The following MBD5 variants were observed in gnomAD, a reference collection of about 807,000 sequenced individuals.
MBD5 encodes the protein methyl-CpG binding domain protein 5.
A neutral mutation model predicts 117.3 loss-of-function variants in MBD5; 13 were observed. The observed-to-expected ratio is 0.11, with a 90% confidence interval of 0.07 to 0.18. The LOEUF (loss-of-function observed/expected upper bound fraction) is 0.18. Among genes scored for constraint, MBD5 ranks in the 10% least tolerant of loss-of-function variants. The pLI is 1.00. For synonymous variants in MBD5, 727 were observed against 766.4 expected (o/e 0.95, Z 0.85); for missense variants, 1,879 against 2,093.8 (o/e 0.90, Z 2.00).
At chr2:148,142,666 A>G (rs1368306805) in intron 1 of MBD5, among the ~76,000 whole-genome samples, 1 of 152,202 alleles carries the variant, frequency 6.6e-6, no homozygotes, top group African/African-American at 2.4e-5. Flanking sequence ...AGGGGCAAAG[A>G]AAAGTACCAG....
At chr2:148,345,559 ATATACACG>A (rs869130265) in intron 4 of MBD5, among the ~76,000 whole-genome samples, 2 of 84,454 alleles carry the variant, frequency 2.4e-5, no homozygotes, top group African/African-American at 1.1e-4. Flanking sequence ...ATACATATGT[ATATACACG>A]TATACACATA....
intron 2 of MBD5, among the ~76,000 whole-genome samples, chr2:148,227,656 C>G (rs2106115403): frequency 6.6e-6 from 1 of 152,256 alleles, no homozygotes; most frequent in South Asian, 2.1e-4. Flanking sequence ...TGAAGAAAGT[C>G]TTTGGTAGCT....
intron 4 of MBD5, among the ~76,000 whole-genome samples, chr2:148,342,540 AG>A (rs1483237218): frequency 2.0e-5 from 3 of 152,020 alleles, no homozygotes; most frequent in African/African-American, 7.2e-5. Flanking sequence ...TTTAAAAAAA[AG>A]AATGTAATAC....
chr2:148,469,202 G>C lies in MBD5; in HGVS notation c.1259G>C (p.Gly420Ala), dbSNP rs142661175. ...PTVKPGHMNH[G>A]SHVQRVQHSA... Reference sequence around the variant, plus strand: ...GTAAAACCTGGTCACATGAATCATGGGAGTCATGTACAAAGAGTTCAGCAT... The same window carrying C: ...GTAAAACCTGGTCACATGAATCATGCGAGTCATGTACAAAGAGTTCAGCAT... Residue 420 changes from glycine (G) to alanine (A), a missense_variant, in exon 8 of 14, where the codon GGG becomes GCG. Coordinates refer to ENST00000642680, the MANE Select transcript of MBD5 (RefSeq NM_001378120.1). The C allele has an allele frequency of 6.2e-7, 1 of 1,613,982 alleles. No homozygotes were observed. Among genetic ancestry groups the C allele is most frequent in the Non-Finnish European group, 8.5e-7 (1 of 1,179,960 alleles).
chr2:148,115,478 T>C (rs564555014), intron 1 of MBD5, among the ~76,000 whole-genome samples: 2 of 152,208 alleles, frequency 1.3e-5, no homozygotes, highest in Non-Finnish European at 2.9e-5. Context: ...AGAAAATGCA[T>C]GTAAGGTATT....
At chr2:148,398,590 C>G (rs1015795427) in intron 4 of MBD5, among the ~76,000 whole-genome samples, 2 of 152,214 alleles carry the variant, frequency 1.3e-5, no homozygotes, top group East Asian at 1.9e-4. Flanking sequence ...AAGTTTCTCC[C>G]ATTCTGTAGG....
At chr2:148,112,598 A>G (rs781203622) in intron 1 of MBD5, among the ~76,000 whole-genome samples, 1 of 152,180 alleles carries the variant, frequency 6.6e-6, no homozygotes, top group Non-Finnish European at 1.5e-5. Context: ...AAATAGTCTT[A>G]GGTGCTATTT....
intron 1 of MBD5, among the ~76,000 whole-genome samples, chr2:148,102,700 T>TCACACACA (rs72105542): frequency 2.3e-5 from 3 of 131,824 alleles, no homozygotes; most frequent in Non-Finnish European, 3.1e-5. Context: ...GAGAGAGAGA[T>TCACACACA]CACACACACA....
chr2:148,062,567 T>C (rs1695067953), intron 1 of MBD5: 1 of 152,044 alleles, frequency 6.6e-6, no homozygotes, highest in Non-Finnish European at 1.5e-5. Flanking sequence ...AAGTAAACAA[T>C]GTTTTCTGAA....
At position 148,483,158 on chromosome 2, in the gene MBD5, C is replaced by A; in HGVS notation, c.2567C>A (p.Pro856His). ...SSIAIAGTNHPAITKTTSVLQ... is the reference protein window; with the variant it reads ...SSIAIAGTNHHAITKTTSVLQ... ...ATAGCCATAGCGGGCACCAACCACC[C>A]TGCCATCACAAAGACAACATCTGTT... The change falls in exon 9 of 14, where the codon CCT becomes CAT. Residue 856 changes from proline to histidine, a missense_variant. Physicochemically the swap from Pro to His is moderately conservative, Grantham distance 77. Coordinates refer to ENST00000642680, the MANE Select transcript of MBD5 (RefSeq NM_001378120.1). 1 of 1,613,544 alleles carries A rather than the reference C, an allele frequency of 6.2e-7. No homozygotes were observed. Among genetic ancestry groups the A allele is most frequent in the South Asian group, 1.1e-5 (1 of 91,068 alleles).
At chr2:148,206,906 C>A (rs981167267) in intron 2 of MBD5, among the ~76,000 whole-genome samples, 1 of 152,180 alleles carries the variant, frequency 6.6e-6, no homozygotes, top group African/African-American at 2.4e-5. Flanking sequence ...AGACAATGCA[C>A]GTACCATTGA....
chr2:148,120,900 TTTTTCATAGACGCCC>T (rs1696754017), intron 1 of MBD5, among the ~76,000 whole-genome samples: 1 of 152,216 alleles, frequency 6.6e-6, no homozygotes. Flanking sequence ...TGGCTATGAC[TTTTTCATAGACGCCC>T]TTGATCAGAT....
At chr2:148,210,730 A>G (rs1699402660) in intron 2 of MBD5, among the ~76,000 whole-genome samples, 1 of 152,096 alleles carries the variant, frequency 6.6e-6, no homozygotes, top group Admixed American at 6.5e-5. Context: ...TTAGATGACT[A>G]TATAAACATT....
rs1700029830 is a variant in MBD5 at position 148,233,243 on chromosome 2, A to G, written c.-830-2A>G. 6.6e-6 allele frequency: 1 copy of G among 152,230 alleles called. No homozygotes were observed. Among genetic ancestry groups the G allele is most frequent in the South Asian group, 2.1e-4 (1 of 4,828 alleles). 9.4% of individuals were successfully genotyped at this position (152,230 alleles called of 1,614,324 possible). On this transcript the variant is annotated splice_acceptor_variant, in intron 2 of 13. Transcript: ENST00000642680. LOFTEE classifies it low-confidence loss of function (5UTR_SPLICE). ...AATTCACCCTGGTATCGTTTTTAAC[A>G]GGACCAAGGAAATAAATACCAGAAA...
In MBD5 at chr2:148,458,199, T is replaced by C. The variant is rs1706945021; in HGVS notation, c.-556-4T>C. ...ACAAGTTCACATATTTACATATGTT[T>C]CAGGCTACATTATTGGAATTTTGAA... On this transcript the variant is annotated splice_region_variant and splice_polypyrimidine_tract_variant and intron_variant, in intron 4 of 13. Coordinates refer to ENST00000642680, the MANE Select transcript of MBD5 (RefSeq NM_001378120.1). The C allele has an allele frequency of 5.2e-5, 21 of 401,330 alleles. 1 individual carries two copies. The East Asian group carries it at 7.5e-4, about 14-fold the overall frequency. The allele number at this position is 401,330 out of a possible 1,614,324, so 24.9% of individuals were successfully genotyped here.
chr2:148,091,848 A>C (rs1333287593), intron 1 of MBD5, among the ~76,000 whole-genome samples: 1 of 152,220 alleles, frequency 6.6e-6, no homozygotes, highest in African/African-American at 2.4e-5. Context: ...TCTGCACAGC[A>C]GAAGAAGTAA....
chr2:148,507,522 G>A (rs989565418), intron 12 of MBD5, among the ~76,000 whole-genome samples: 1 of 152,084 alleles, frequency 6.6e-6, no homozygotes, highest in Non-Finnish European at 1.5e-5. Context: ...CACTTTGGGA[G>A]GCCGAGGCGG....
At position 148,021,457 on chromosome 2, in the gene MBD5, C is replaced by T. The variant is rs1693717083; in HGVS notation, c.-1152C>T. On this transcript the variant is annotated 5_prime_UTR_variant, in exon 1 of 14. Coordinates refer to ENST00000642680, the MANE Select transcript of MBD5 (RefSeq NM_001378120.1). Reference sequence around the variant, plus strand: ...TCTTAGCAACACAGACCCTTTGCTGCTGCTGTTGCTGCTGCTGCTGCTGTT... The same window carrying T: ...TCTTAGCAACACAGACCCTTTGCTGTTGCTGTTGCTGCTGCTGCTGCTGTT... 1.7e-6 allele frequency: 1 copy of T among 576,308 alleles called. No homozygotes were observed. Among genetic ancestry groups the T allele is most frequent in the South Asian group, 1.5e-5 (1 of 66,352 alleles). The allele number at this position is 576,308 out of a possible 1,614,324, so 35.7% of individuals were successfully genotyped here.
chr2:148,116,643 A>G (rs1190495374), intron 1 of MBD5, among the ~76,000 whole-genome samples: 1 of 152,140 alleles, frequency 6.6e-6, no homozygotes, highest in African/African-American at 2.4e-5. Flanking sequence ...GTTCTGCTTT[A>G]TTGACACAAT....
Sources: allele counts gnomAD v4.1 joint callset (sites outside exome capture counted in the v4.1 genomes callset), GRCh38; gene constraint gnomAD v4.1.1; transcripts MANE v1.5; gene names NCBI Gene and HGNC (gene_info 2026-07-23, HGNC 2026-07-21).